The following TMTC1 variants were observed in gnomAD, a reference collection of about 807,000 sequenced individuals.
TMTC1 encodes transmembrane O-mannosyltransferase targeting cadherins 1, also known as protein O-mannosyl-transferase TMTC1.
A neutral mutation model predicts 104.8 loss-of-function variants in TMTC1; 73 were observed. The observed-to-expected ratio is 0.70, with a 90% CI of 0.58 to 0.85. TMTC1 has a LOEUF of 0.85. Among genes scored for constraint, TMTC1 ranks in the 40% least tolerant of loss-of-function variants. The pLI is 0.00. For missense variants in TMTC1, 1,035 were observed against 1,096.1 expected (o/e 0.94, Z 0.79); for synonymous variants, 434 against 428.7 (o/e 1.01, Z -0.15).
chr12:29,683,121 A>G (rs1940976506), intron 5 of TMTC1, among the ~76,000 whole-genome samples: 1 of 152,202 alleles, frequency 6.6e-6, no homozygotes. Context: ...AAAGAACAGT[A>G]AACTCAAAGC....
At chr12:29,544,441 C>T (rs561478348) in intron 10 of TMTC1, among the ~76,000 whole-genome samples, 12 of 151,998 alleles carry the variant, frequency 7.9e-5, no homozygotes, top group African/African-American at 2.4e-4. Context: ...GCAGCTCACA[C>T]ACACACCTCA....
At chr12:29,538,592 C>G (rs1010814077) in intron 10 of TMTC1, among the ~76,000 whole-genome samples, 1 of 151,888 alleles carries the variant, frequency 6.6e-6, no homozygotes, top group African/African-American at 2.4e-5. Context: ...TTTGTCGTGG[C>G]TCATATCAGT....
At chr12:29,558,885 C>G (rs754721987) in intron 9 of TMTC1, among the ~76,000 whole-genome samples, 11 of 152,180 alleles carry the variant, frequency 7.2e-5, no homozygotes, top group Non-Finnish European at 1.2e-4. Flanking sequence ...TCCCTTCACT[C>G]CATGCCCAGG....
intron 9 of TMTC1, among the ~76,000 whole-genome samples, chr12:29,563,598 G>C (rs1003297606): frequency 1.3e-5 from 2 of 152,126 alleles, no homozygotes; most frequent in Non-Finnish European, 2.9e-5. Flanking sequence ...GGACAGTTCT[G>C]CACAAAGAAA....
intron 5 of TMTC1, among the ~76,000 whole-genome samples, chr12:29,713,202 G>A (rs1408265718): frequency 6.6e-6 from 1 of 151,698 alleles, no homozygotes; most frequent in South Asian, 2.1e-4. Context: ...ACTGCTGCCT[G>A]AATTTCCAGC....
Position 29,558,134 on chromosome 12 carries a change from C to G in TMTC1, c.1533-1134G>C, listed in dbSNP as rs74920134. On this transcript the variant is annotated intron_variant, in intron 9 of 17. Coordinates refer to ENST00000539277, the MANE Select transcript of TMTC1 (RefSeq NM_001193451.2). Reference sequence around the variant, plus strand: ...AAACTATACAGAAGCCAAATCTACACAGCTCCATAATTTAATTGTTTTTGA... The same window carrying G: ...AAACTATACAGAAGCCAAATCTACAGAGCTCCATAATTTAATTGTTTTTGA... Among the ~76,000 whole-genome samples, 980 of 152,326 alleles carry G rather than the reference C, an allele frequency of 6.4e-3. 14 individuals carry two copies. The highest frequency in any genetic ancestry group is 0.023 in the African/African-American group (939 of 41,562).
intron 5 of TMTC1, among the ~76,000 whole-genome samples, chr12:29,739,136 G>A (rs1342689413): frequency 6.6e-6 from 1 of 152,084 alleles, no homozygotes; most frequent in Admixed American, 6.6e-5. Context: ...TAATTCAGAT[G>A]AGCTTGCCAC....
intron 5 of TMTC1, among the ~76,000 whole-genome samples, chr12:29,711,127 C>T (rs1343029385): frequency 2.0e-5 from 3 of 151,408 alleles, no homozygotes; most frequent in African/African-American, 7.3e-5. Context: ...GGACTATGGG[C>T]ATGCACCACC....
chr12:29,744,112 A>G (rs1592000915), intron 5 of TMTC1, among the ~76,000 whole-genome samples: 1 of 152,232 alleles, frequency 6.6e-6, no homozygotes, highest in Non-Finnish European at 1.5e-5. Flanking sequence ...CTCTTTCAAC[A>G]TATGTCCCTG....
intron 5 of TMTC1, among the ~76,000 whole-genome samples, chr12:29,698,496 T>A (rs1212320466): frequency 6.6e-6 from 1 of 152,182 alleles, no homozygotes; most frequent in Non-Finnish European, 1.5e-5. Flanking sequence ...TCACACCTAG[T>A]GTATGTGTCC....
At chr12:29,708,194 AC>A in intron 5 of TMTC1, among the ~76,000 whole-genome samples, 1 of 152,236 alleles carries the variant, frequency 6.6e-6, no homozygotes, top group East Asian at 1.9e-4. Flanking sequence ...ACAGAAAAGC[AC>A]AGAATTGCAG....
chr12:29,689,032 ATT>A (rs1347961412), intron 5 of TMTC1, among the ~76,000 whole-genome samples: 1 of 152,044 alleles, frequency 6.6e-6, no homozygotes, highest in Admixed American at 6.5e-5. Context: ...CTTCAACCCT[ATT>A]TACTTCAATC....
chr12:29,516,737 G>A (rs1943998507), intron 14 of TMTC1, among the ~76,000 whole-genome samples: 1 of 152,236 alleles, frequency 6.6e-6, no homozygotes. Flanking sequence ...ATGGCTTGTG[G>A]CTTTTAAAAA....
chr12:29,559,291 A>C (rs1403999241), intron 9 of TMTC1, among the ~76,000 whole-genome samples: 1 of 152,202 alleles, frequency 6.6e-6, no homozygotes, highest in Admixed American at 6.5e-5. Context: ...CACCCATGTA[A>C]GGTGCCTGTT....
intron 6 of TMTC1, among the ~76,000 whole-genome samples, chr12:29,604,915 A>G (rs963161545): frequency 6.6e-6 from 1 of 152,178 alleles, no homozygotes; most frequent in Non-Finnish European, 1.5e-5. Context: ...AATCGTTATA[A>G]TAATTCATTA....
chr12:29,572,058 CGGTCTT>C (rs760367059), intron 9 of TMTC1, 41 bp downstream of exon 9: 2 of 1,453,828 alleles, frequency 1.4e-6, no homozygotes, highest in Middle Eastern at 1.7e-4. Context: ...AAATAAACAA[CGGTCTT>C]TAAAGCACCA....
At chr12:29,772,427 G>A (rs944631564) in intron 1 of TMTC1, among the ~76,000 whole-genome samples, 1 of 152,080 alleles carries the variant, frequency 6.6e-6, no homozygotes, top group African/African-American at 2.4e-5. Context: ...TCACACATGG[G>A]CAATAAGACA....
intron 5 of TMTC1, among the ~76,000 whole-genome samples, chr12:29,710,812 TAATATA>T (rs1454359158): frequency 7.3e-4 from 39 of 53,146 alleles, no homozygotes; most frequent in South Asian, 1.7e-3. Context: ...TATTTATATA[TAATATA>T]ATGTTTATAT....
intron 5 of TMTC1, among the ~76,000 whole-genome samples, chr12:29,641,617 T>C (rs1236841622): frequency 6.6e-6 from 1 of 152,144 alleles, no homozygotes; most frequent in Admixed American, 6.6e-5. Flanking sequence ...ACCTTCCCTC[T>C]GACAGCACCT....
Sources: gnomAD v4.1 joint callset for allele counts (sites outside exome capture counted in the v4.1 genomes callset) on GRCh38, gnomAD v4.1.1 for gene constraint, MANE v1.5 for transcripts, NCBI Gene and HGNC (gene_info 2026-07-23, HGNC 2026-07-21) for gene names.